The following FBXL18 variants were observed in gnomAD, a reference collection of about 807,000 sequenced individuals.
FBXL18 encodes F-box/LRR-repeat protein 18.
In FBXL18, 36 loss-of-function variants were observed where a neutral mutation model predicts 46.0. The ratio of observed to expected loss-of-function variants is 0.78; its 90% CI spans 0.60 to 1.03. The LOEUF (loss-of-function observed/expected upper bound fraction) is 1.03, where lower values mean the gene tolerates loss of function less well. Among genes scored for constraint, FBXL18 ranks in the 50% least tolerant of loss-of-function variants. FBXL18 has a pLI of 0.00. For synonymous variants in FBXL18, 557 were observed against 465.3 expected (o/e 1.20, Z -2.54); for missense variants, 977 against 1,004.1 (o/e 0.97, Z 0.36).
chr7:5,484,250 G>T (rs567056107), intron 4 of FBXL18, among the ~76,000 whole-genome samples: 3 of 152,064 alleles, frequency 2.0e-5, no homozygotes, highest in African/African-American at 7.2e-5. Context: ...GGTGGATCAC[G>T]AGGTCAGGAG....
chr7:5,487,351 G>C lies in FBXL18; in HGVS notation c.2000+3880C>G, dbSNP rs541827926. On this transcript the variant is annotated intron_variant, in intron 4 of 4. Transcript: ENST00000382368. ...TCTGACTGCCAGCAGGGTGGGAAGA[G>C]AAAGGCTTTCAGCAGCCCTGGGGGA... is the stretch of plus-strand genomic sequence containing the variant. Among the ~76,000 whole-genome samples, 63 of 152,364 alleles carry C rather than the reference G, an allele frequency of 4.1e-4. 1 individual carries two copies. Among genetic ancestry groups the C allele is most frequent in the Non-Finnish European group, 7.6e-4 (52 of 68,032 alleles).
chr7:5,473,760 CAAA>C (rs1195674210), downstream of FBXL18, among the ~76,000 whole-genome samples: 5 of 58,118 alleles, frequency 8.6e-5, no homozygotes, highest in Admixed American at 4.1e-4. Flanking sequence ...GACTCCATCT[CAAA>C]AAAAAAAAAA....
rs1411251633 is a variant in FBXL18 at position 5,480,950 on chromosome 7, G to A, written c.*825C>T. 7.0e-6 allele frequency: 1 copy of A among 142,610 alleles called. No individual in the cohort carries two copies. The highest frequency in any genetic ancestry group is 2.6e-5 in the African/African-American group (1 of 38,412). 8.8% of individuals were successfully genotyped at this position (142,610 alleles called of 1,614,324 possible). A position where few individuals can be genotyped will look rare whatever the true frequency, so the allele number is the denominator to read the frequency against. ...TTAAGAATCCTTTCTGGGTTTTAAT[G>A]TTTCGCGTTATTCTAACAAAGCCGA... On this transcript the variant is annotated 3_prime_UTR_variant, in exon 5 of 5. Transcript: ENST00000382368.
chr7:5,484,827 C>G lies in FBXL18; in HGVS notation c.2001-2896G>C, dbSNP rs533282569. On this transcript the variant is annotated intron_variant, in intron 4 of 4. Coordinates refer to ENST00000382368, the MANE Select transcript of FBXL18 (RefSeq NM_024963.6). Reference sequence around the variant, plus strand: ...CTAATTTTTGTATCTTTAGTAGAGACAGGGTGTCACCATGTTGACCAGGCT... The same window carrying G: ...CTAATTTTTGTATCTTTAGTAGAGAGAGGGTGTCACCATGTTGACCAGGCT... Among the ~76,000 whole-genome samples the G allele has an allele frequency of 3.9e-5, 6 of 152,112 alleles. No homozygotes were observed. The East Asian group carries it at 1.2e-3, about 29-fold the overall frequency.
chr7:5,459,567 C>T (rs1485742004), intron 4 of FBXL18, among the ~76,000 whole-genome samples: 2 of 151,908 alleles, frequency 1.3e-5, no homozygotes, highest in Non-Finnish European at 2.9e-5. Context: ...GGTGAAACCC[C>T]GTCTCTACTA....
intron 4 of FBXL18, among the ~76,000 whole-genome samples, chr7:5,459,288 A>G (rs1783212186): frequency 6.6e-6 from 1 of 152,198 alleles, no homozygotes. Flanking sequence ...GCTCAGCCCC[A>G]GTACAGTAAG....
chr7:5,500,774 T>C lies in FBXL18; in HGVS notation c.1495A>G (p.Met499Val), dbSNP rs778375443. Residue 499 changes from methionine (M) to valine (V), a missense_variant, in exon 3 of 5, where the codon ATG becomes GTG. By Grantham distance (21) the Met-to-Val change is conservative (BLOSUM62 1). Coordinates refer to ENST00000382368, the MANE Select transcript of FBXL18 (RefSeq NM_024963.6). Reference protein sequence around the residue: ...ELIGSNFSSAMPRNEPAIRNS... With the variant: ...ELIGSNFSSAVPRNEPAIRNS... ...CGGATGGCGGGCTCGTTGCGGGGCA[T>C]GGCGGAGGAGAAGTTGGACCCAATC... The C allele has an allele frequency of 6.2e-7, 1 of 1,612,382 alleles. No homozygotes were observed. The highest frequency in any genetic ancestry group is 8.5e-7 in the Non-Finnish European group (1 of 1,179,696).
In FBXL18 at chr7:5,477,362, C is replaced by T. The variant is rs540417339; in HGVS notation, c.*4413G>A. Among the ~76,000 whole-genome samples, 49 of 152,270 alleles carry T rather than the reference C, an allele frequency of 3.2e-4. No homozygotes were observed. The highest frequency in any genetic ancestry group is 9.2e-4 in the Admixed American group (14 of 15,280). On this transcript the variant is annotated 3_prime_UTR_variant, in exon 5 of 5. Coordinates refer to ENST00000382368, the MANE Select transcript of FBXL18 (RefSeq NM_024963.6). This position sits in a 1 kb window ranked among gnomAD's most constrained non-coding sequence, Gnocchi z 4.4. ...CTGCCTTTGGTTTAGTGGCCCCACA[C>T]TTCATCACCTCACTTTGTCCATGAA...
intron 3 of FBXL18, among the ~76,000 whole-genome samples, chr7:5,493,005 C>G (rs1475153718): frequency 6.6e-6 from 1 of 152,166 alleles, no homozygotes; most frequent in Non-Finnish European, 1.5e-5. Flanking sequence ...GAAGGCGCCA[C>G]AGGCATGGAG....
Position 5,501,368 on chromosome 7 carries a change from A to G in FBXL18, c.901T>C (p.Trp301Arg), listed in dbSNP as rs778026411. ...TGCAGGAGGGAAGAGCCGTTCAGCC[A>G]GGACTTGGGCAGCTGCAGGGCATCC... ...VLDALQLPKS[W>R]LNGSSLLQHM... The change falls in exon 3 of 5, where the codon TGG becomes CGG. Residue 301 changes from tryptophan (W) to arginine (R), a missense_variant. Transcript: ENST00000382368. The G allele has an allele frequency of 1.2e-6, 2 of 1,613,766 alleles. No homozygotes were observed. The highest frequency in any genetic ancestry group is 1.3e-5 in the African/African-American group (1 of 74,836).
Position 5,481,784 on chromosome 7 carries a change from C to G in FBXL18, c.2148G>C (p.Leu716=). ...KSRVAEEPPN[L]WW Reference sequence around the variant, plus strand: ...GCGGCGGCTCCGCCTCTCACCACCACAGGTTCGGCGGTTCCTCGGCCACTC... The same window carrying G: ...GCGGCGGCTCCGCCTCTCACCACCAGAGGTTCGGCGGTTCCTCGGCCACTC... Residue 716 remains leucine (L), a synonymous_variant, in exon 5 of 5, where the codon CTG becomes CTC. Transcript: ENST00000382368. The G allele has an allele frequency of 6.2e-7, 1 of 1,613,554 alleles. No individual in the cohort carries two copies. The highest frequency in any genetic ancestry group is 1.1e-5 in the South Asian group (1 of 91,088).
rs7789129 is a variant in FBXL18 at position 5,475,993 on chromosome 7, T to G, written c.*5782A>C. 136,241 of 152,066 alleles carry G rather than the reference T, an allele frequency of 0.9. 61,133 individuals carry two copies. The highest frequency in any genetic ancestry group is 0.95 in the East Asian group (4,875 of 5,148). 9.4% of individuals were successfully genotyped at this position (152,066 alleles called of 1,614,324 possible). A position where few individuals can be genotyped will look rare whatever the true frequency, so the allele number is the denominator to read the frequency against. On this transcript the variant is annotated 3_prime_UTR_variant, in exon 5 of 5. Transcript: ENST00000382368. The surrounding 1 kb of genome is among the most constrained non-coding windows in gnomAD (Gnocchi z 4.2). ...ATCGAAAGGCAGGTGATGCATGTCGTGTCATTTAGCACCTGGTCATGAGAT... is the reference window on the plus strand; with the variant it reads ...ATCGAAAGGCAGGTGATGCATGTCGGGTCATTTAGCACCTGGTCATGAGAT...
At chr7:5,461,270 C>A (rs775486579) in intron 4 of FBXL18, among the ~76,000 whole-genome samples, 1 of 152,210 alleles carries the variant, frequency 6.6e-6, no homozygotes, top group Non-Finnish European at 1.5e-5. Context: ...TAATCGGCTG[C>A]ATTTTCTTCC....
At position 5,492,458 on chromosome 7, in the gene FBXL18, G is replaced by C. The variant is rs1472019971; in HGVS notation, c.1782-1009C>G. ...CTCACGTGACTTCAGGGGCTGCCAG[G>C]AACTCCCGGGGTGGGGGGAGGAGCC... On this transcript the variant is annotated intron_variant, in intron 3 of 4. Transcript: ENST00000382368. Among the ~76,000 whole-genome samples, 6 of 151,702 alleles carry C rather than the reference G, an allele frequency of 4.0e-5. No homozygotes were observed. The East Asian group carries it at 9.8e-4, about 25-fold the overall frequency.
intron 2 of FBXL18, among the ~76,000 whole-genome samples, chr7:5,503,412 G>C (rs1432153472): frequency 6.6e-6 from 1 of 152,144 alleles, no homozygotes; most frequent in Admixed American, 6.6e-5. Context: ...GAGCACAGTG[G>C]TACAACAATA....
intron 4 of FBXL18, among the ~76,000 whole-genome samples, chr7:5,483,795 G>A (rs1263962387): frequency 6.6e-6 from 1 of 152,060 alleles, no homozygotes; most frequent in East Asian, 1.9e-4. Context: ...AGTCTCAGTG[G>A]GTGCAAGGCA....
At chr7:5,512,891 C>A (rs1363312121) in intron 1 of FBXL18, among the ~76,000 whole-genome samples, 2 of 152,254 alleles carry the variant, frequency 1.3e-5, no homozygotes, top group South Asian at 4.1e-4. Flanking sequence ...GAGGAAGACA[C>A]TTGAGCCTCT....
At chr7:5,513,281 G>C (rs917972682) in intron 1 of FBXL18, among the ~76,000 whole-genome samples, 3 of 152,096 alleles carry the variant, frequency 2.0e-5, no homozygotes, top group East Asian at 1.9e-4. Flanking sequence ...AGAGATAGAA[G>C]ATGGAGTGGG....
intron 4 of FBXL18, among the ~76,000 whole-genome samples, chr7:5,464,712 A>G (rs1390770741): frequency 1.3e-5 from 2 of 149,952 alleles, no homozygotes; most frequent in Non-Finnish European, 3.0e-5. Flanking sequence ...AAAAAAAAAA[A>G]AAAAGTGGGT....
Sources: gnomAD v4.1 joint callset for allele counts (sites outside exome capture counted in the v4.1 genomes callset) on GRCh38, gnomAD v4.1.1 for gene constraint, Gnocchi (gnomAD v3.1) non-coding constraint, MANE v1.5 for transcripts, NCBI Gene and HGNC (gene_info 2026-07-23, HGNC 2026-07-21) for gene names.